FGF14: variants seen among roughly 807,000 people sequenced by gnomAD.
FGF14 encodes fibroblast growth factor homologous factor 4.
A neutral mutation model predicts 25.5 loss-of-function variants in FGF14; 5 were observed. That is an observed-to-expected ratio of 0.20 (90% CI 0.10 to 0.41). The LOEUF is 0.41. Ranked by LOEUF, FGF14 falls within the 10% of genes least tolerant of loss-of-function variation. FGF14 has a pLI of 1.00. For missense variants in FGF14, 222 were observed against 320.1 expected, an observed-to-expected ratio of 0.69 and a Z score of 2.34; for synonymous variants, 138 against 118.3, an observed-to-expected ratio of 1.17 and a Z score of -1.08.
At chr13:102,025,719 T>G (rs910453641) in intron 1 of FGF14, among the ~76,000 whole-genome samples, 19 of 152,106 alleles carry the variant, frequency 1.2e-4, no homozygotes, top group African/African-American at 4.6e-4. Context: ...AGTATTGTAC[T>G]TCTTTTGTTC....
At chr13:102,023,778 C>G (rs2040791724) in intron 1 of FGF14, among the ~76,000 whole-genome samples, 1 of 151,912 alleles carries the variant, frequency 6.6e-6, no homozygotes, top group South Asian at 2.1e-4. Flanking sequence ...CTGACAGGTA[C>G]AGTAAGGCCT....
intron 1 of FGF14, among the ~76,000 whole-genome samples, chr13:102,375,019 T>G (rs1172549073): frequency 3.3e-5 from 5 of 152,002 alleles, no homozygotes; most frequent in Admixed American, 6.6e-5. Flanking sequence ...TTTTTGTTTG[T>G]TTGAACTAAA....
At chr13:101,819,439 A>G (rs2042004428) in intron 3 of FGF14, among the ~76,000 whole-genome samples, 2 of 152,314 alleles carry the variant, frequency 1.3e-5, no homozygotes, top group South Asian at 4.1e-4. Flanking sequence ...GGGTTCACAG[A>G]CTCAATGTGA....
intron 1 of FGF14, among the ~76,000 whole-genome samples, chr13:102,271,276 C>T (rs1490534804): frequency 6.6e-6 from 1 of 152,116 alleles, no homozygotes; most frequent in Non-Finnish European, 1.5e-5. Flanking sequence ...ATTGGTTTGC[C>T]AGTTCCCCAG....
intron 1 of FGF14, among the ~76,000 whole-genome samples, chr13:102,320,498 A>T (rs1222428714): frequency 1.3e-5 from 2 of 152,068 alleles, no homozygotes; most frequent in Admixed American, 6.5e-5. Flanking sequence ...CCTAGGGAAA[A>T]TGGTGACTAA....
chr13:101,988,455 C>T (rs1165517065), intron 1 of FGF14, among the ~76,000 whole-genome samples: 1 of 151,794 alleles, frequency 6.6e-6, no homozygotes, highest in African/African-American at 2.4e-5. Context: ...TGGAACCAAC[C>T]CAAATGTCCA....
chr13:101,912,175 T>C (rs979329537), intron 1 of FGF14, among the ~76,000 whole-genome samples: 2 of 152,134 alleles, frequency 1.3e-5, no homozygotes, highest in Non-Finnish European at 2.9e-5. Flanking sequence ...GTACATGCAT[T>C]TCTGCTTTTT....
At chr13:102,203,126 G>A (rs1048721479) in intron 1 of FGF14, among the ~76,000 whole-genome samples, 2 of 152,072 alleles carry the variant, frequency 1.3e-5, no homozygotes, top group African/African-American at 4.8e-5. Flanking sequence ...ACTCCAGTTC[G>A]ATGTTTTATT....
At chr13:102,277,687 T>G (rs1316549861) in intron 1 of FGF14, among the ~76,000 whole-genome samples, 2 of 152,326 alleles carry the variant, frequency 1.3e-5, no homozygotes, top group East Asian at 3.9e-4. Context: ...CAGATCTTCT[T>G]GAGAAACAGG....
intron 3 of FGF14, among the ~76,000 whole-genome samples, chr13:101,801,031 G>A (rs759681061): frequency 1.6e-4 from 25 of 152,274 alleles, no homozygotes; most frequent in East Asian, 1.4e-3. Flanking sequence ...CTGGGTGCCC[G>A]CAAGCAGGTG....
intron 1 of FGF14, chr13:102,292,804 T>A (rs1020634991): frequency 6.6e-6 from 1 of 152,228 alleles, no homozygotes. Context: ...CTTGGGCGTG[T>A]CTTCTGAACA....
Position 101,907,082 on chromosome 13 carries a change from C to T in FGF14, c.193+9371G>A, listed in dbSNP as rs565990267. Among the ~76,000 whole-genome samples, 4 of 152,144 alleles carry T rather than the reference C, an allele frequency of 2.6e-5. No homozygotes were observed. The East Asian group carries it at 5.8e-4, about 22-fold the overall frequency. On this transcript the variant is annotated intron_variant, in intron 1 of 4. Coordinates refer to ENST00000376143, the MANE Select transcript of FGF14 (RefSeq NM_004115.4). ...AGTAATTAAGGAGTCTGAAAAGCAG[C>T]CGTTGCTTAATCACAAATCTATTAT...
At chr13:102,218,685 C>T (rs1010634709) in intron 1 of FGF14, among the ~76,000 whole-genome samples, 4 of 151,926 alleles carry the variant, frequency 2.6e-5, no homozygotes, top group Admixed American at 1.3e-4. Context: ...TTTCTTTTCG[C>T]CTGCATCTAT....
At chr13:101,969,302 G>A (rs911012892) in intron 1 of FGF14, among the ~76,000 whole-genome samples, 10 of 152,168 alleles carry the variant, frequency 6.6e-5, no homozygotes, top group Admixed American at 5.9e-4. Context: ...AGTGGCTCAC[G>A]CCTGTAATCC....
At chr13:102,133,612 T>C (rs1403477716) in intron 1 of FGF14, among the ~76,000 whole-genome samples, 1 of 152,246 alleles carries the variant, frequency 6.6e-6, no homozygotes, top group Non-Finnish European at 1.5e-5. Context: ...ATATCAATCA[T>C]GATTTACTAA....
chr13:102,135,263 T>G (rs1442247642), intron 1 of FGF14, among the ~76,000 whole-genome samples: 1 of 152,018 alleles, frequency 6.6e-6, no homozygotes, highest in Non-Finnish European at 1.5e-5. Context: ...GTCTACACAC[T>G]AGGAAAAAAT....
intron 3 of FGF14, among the ~76,000 whole-genome samples, chr13:101,825,908 G>A (rs2042372443): frequency 1.3e-5 from 2 of 151,994 alleles, no homozygotes; most frequent in Admixed American, 1.3e-4. Context: ...TTGAAAATAA[G>A]AATCAAATCA....
In FGF14 at chr13:102,087,575, C is replaced by CTTTTTTTTTTTTTT. The variant is rs1166446102; in HGVS notation, c.209-212293_209-212280dup. Among the ~76,000 whole-genome samples, 32 of 79,872 alleles carry CTTTTTTTTTTTTTT rather than the reference C, an allele frequency of 4.0e-4. 1 individual carries two copies. Among genetic ancestry groups the CTTTTTTTTTTTTTT allele is most frequent in the Non-Finnish European group, 5.0e-4 (23 of 46,116 alleles). The allele number at this position is 79,872 out of a possible 152,430, so 52.4% of individuals were successfully genotyped here. A position where few individuals can be genotyped will look rare whatever the true frequency, so the allele number is the denominator to read the frequency against. On this transcript the variant is annotated intron_variant, in intron 1 of 4. Coordinates refer to the FGF14 transcript ENST00000376131. Reference sequence around the variant, plus strand: ...TACAGGCACCTGCCACCATGCCTGGCTTTTTTTTTTTTTTTTTTTTTTGTA... The same window carrying CTTTTTTTTTTTTTT: ...TACAGGCACCTGCCACCATGCCTGGCTTTTTTTTTTTTTTTTTTTTTTTTTTTTTTTTTTTTGTA...
intron 1 of FGF14, among the ~76,000 whole-genome samples, chr13:102,112,592 C>T (rs1468219740): frequency 6.6e-6 from 1 of 152,110 alleles, no homozygotes; most frequent in Non-Finnish European, 1.5e-5. Flanking sequence ...GTGCTCCAGG[C>T]ATTTGGAATA....
Sources: allele counts gnomAD v4.1 joint callset (sites outside exome capture counted in the v4.1 genomes callset), GRCh38; gene constraint gnomAD v4.1.1; transcripts MANE v1.5; gene names NCBI Gene and HGNC (gene_info 2026-07-23, HGNC 2026-07-21).